The following HP1BP3 variants were observed in gnomAD, a reference collection of about 807,000 sequenced individuals.
The protein encoded by HP1BP3 is heterochromatin protein 1-binding protein 3.
A neutral mutation model predicts 62.5 loss-of-function variants in HP1BP3; 12 were observed. That is an observed-to-expected ratio of 0.19 (90% CI 0.12 to 0.31). HP1BP3 has a LOEUF of 0.31. Among genes scored for constraint, HP1BP3 ranks in the 10% least tolerant of loss-of-function variants. HP1BP3 has a pLI of 1.00. For missense variants in HP1BP3, 502 were observed against 651.8 expected (o/e 0.77, Z 2.50); for synonymous variants, 260 against 237.8 (o/e 1.09, Z -0.86).
In HP1BP3 at chr1:20,742,906, A is replaced by G. The variant is rs2055123633; in HGVS notation, c.*1891T>C. 1 of 152,632 alleles carries G rather than the reference A, an allele frequency of 6.6e-6. No individual in the cohort carries two copies. Among genetic ancestry groups the G allele is most frequent in the African/African-American group, 2.4e-5 (1 of 41,450 alleles). The allele number at this position is 152,632 out of a possible 1,614,324, so 9.5% of individuals were successfully genotyped here. On this transcript the variant is annotated 3_prime_UTR_variant, in exon 13 of 13. Transcript: ENST00000438032. ...AGGAGACAAAAGTGGAATGAATAAG[A>G]AACAAACATCTTTTGCCTCTGGCAG...
intron 8 of HP1BP3, 25 bp from the exon 9 acceptor site, chr1:20,757,281 T>C (rs541261954): frequency 7.2e-6 from 10 of 1,387,174 alleles, no homozygotes; most frequent in Admixed American, 1.9e-5. Flanking sequence ...AAAAAAAAAA[T>C]AGTGATAAAT....
At position 20,749,617 on chromosome 1, in the gene HP1BP3, C is replaced by T. The variant is rs537010724; in HGVS notation, c.1141+106G>A. On this transcript the variant is annotated intron_variant, in intron 10 of 12. Coordinates refer to ENST00000438032, the MANE Select transcript of HP1BP3 (RefSeq NM_001372052.1). ...CTCGTGATCCACCCGCCTCAGCCTC[C>T]CAAAGTGCTGGGATTACAGGCGTGA... 26 of 1,130,538 alleles carry T rather than the reference C, an allele frequency of 2.3e-5. No homozygotes were observed. In the South Asian group the frequency reaches 3.9e-4, roughly 17 times the overall value. The allele number at this position is 1,130,538 out of a possible 1,614,324, so 70.0% of individuals were successfully genotyped here.
At chr1:20,765,888 C>T (rs2056756449) in intron 7 of HP1BP3, among the ~76,000 whole-genome samples, 1 of 151,748 alleles carries the variant, frequency 6.6e-6, no homozygotes, top group African/African-American at 2.4e-5. Flanking sequence ...CTGCTTGAAC[C>T]CGGGAGGTGG....
chr1:20,764,383 G>A lies in HP1BP3; in HGVS notation c.890+994C>T, dbSNP rs2056651860. Among the ~76,000 whole-genome samples, 8 of 150,480 alleles carry A rather than the reference G, an allele frequency of 5.3e-5. No individual in the cohort carries two copies. The South Asian group carries it at 1.5e-3, about 28-fold the overall frequency. On this transcript the variant is annotated intron_variant, in intron 8 of 12. Transcript: ENST00000438032. ...TTTGAGACGGAGTTTTGCTCTTGGT[G>A]CCCAGGCTGGAGTGCAATGGCGCAA...
chr1:20,769,769 C>T (rs1165797250), intron 6 of HP1BP3, among the ~76,000 whole-genome samples: 1 of 152,120 alleles, frequency 6.6e-6, no homozygotes, highest in African/African-American at 2.4e-5. Flanking sequence ...ACTCCTAGCT[C>T]CACAGAGCAG....
chr1:20,750,816 C>CT (rs767621434), intron 9 of HP1BP3, among the ~76,000 whole-genome samples: 56,463 of 116,496 alleles, frequency 0.48, 14,432 homozygotes, highest in East Asian at 0.54. Flanking sequence ...TATTTTCTCT[C>CT]TTTTTTTTTT....
chr1:20,782,956 TA>T (rs1013277795), intron 1 of HP1BP3, among the ~76,000 whole-genome samples: 2 of 118,674 alleles, frequency 1.7e-5, no homozygotes, highest in Admixed American at 1.6e-4. Context: ...ACACAAAAGA[TA>T]AAAAATTAGC....
intron 8 of HP1BP3, among the ~76,000 whole-genome samples, chr1:20,759,820 G>T (rs545260767): frequency 4.1e-4 from 62 of 151,934 alleles, no homozygotes; most frequent in East Asian, 3.7e-3. Context: ...GAGTGAAGAG[G>T]AGTAGCTTAG....
At chr1:20,768,229 G>A (rs1179784974) in intron 6 of HP1BP3, among the ~76,000 whole-genome samples, 5 of 151,286 alleles carry the variant, frequency 3.3e-5, no homozygotes, top group Non-Finnish European at 7.4e-5. Flanking sequence ...GGCGAATCAC[G>A]AGGTCAGGAG....
chr1:20,753,114 TG>T lies in HP1BP3; in HGVS notation c.982-3233del, dbSNP rs551529816. On this transcript the variant is annotated intron_variant, in intron 9 of 12. Coordinates refer to ENST00000438032, the MANE Select transcript of HP1BP3 (RefSeq NM_001372052.1). The stretch of plus-strand genomic sequence containing the variant: ...GTGCCACCATGCCCGGCTAATTTCT[TG>T]TATTTTTACTAGAGATTGGGTTTCA... Among the ~76,000 whole-genome samples the T allele has an allele frequency of 8.5e-5, 13 of 152,292 alleles. No individual in the cohort carries two copies. In the South Asian group the frequency reaches 1.2e-3, roughly 15 times the overall value.
At chr1:20,767,121 C>G (rs1443279293) in intron 7 of HP1BP3, among the ~76,000 whole-genome samples, 1 of 152,124 alleles carries the variant, frequency 6.6e-6, no homozygotes, top group Non-Finnish European at 1.5e-5. Flanking sequence ...AGTTCAAGAC[C>G]AGCCTGGCCA....
In HP1BP3 at chr1:20,747,665, A is replaced by G. The variant is rs766867057; in HGVS notation, c.1142-10T>C. ...TTTTTCAGCAAATGCACTGAAAAAA[A>G]AAATTCAGAAATGAAAGTTATCTAG... is the stretch of plus-strand genomic sequence containing the variant. On this transcript the variant is annotated splice_polypyrimidine_tract_variant and intron_variant, in intron 10 of 12. Coordinates refer to ENST00000438032, the MANE Select transcript of HP1BP3 (RefSeq NM_001372052.1). 6.4e-7 allele frequency: 1 copy of G among 1,563,240 alleles called. No homozygotes were observed. Among genetic ancestry groups the G allele is most frequent in the East Asian group, 2.2e-5 (1 of 44,602 alleles).
intron 1 of HP1BP3, among the ~76,000 whole-genome samples, chr1:20,783,769 CA>C (rs1164930528): frequency 0.29 from 15,551 of 52,794 alleles, 362 homozygotes; most frequent in Non-Finnish European, 0.33. Flanking sequence ...GACTCTGTCT[CA>C]AAAAAAAAAA....
Position 20,784,955 on chromosome 1 carries a change from CAG to C in HP1BP3, c.-101+2238_-101+2239del, listed in dbSNP as rs543787300. On this transcript the variant is annotated intron_variant, in intron 1 of 12. Transcript: ENST00000438032. ...ATTAAATCGGTTGTTTATTTTGAGA[CAG>C]AGTCTCAGTCTGGAGTACAGTGGCA... 2.2e-4 allele frequency among the ~76,000 whole-genome samples: 34 copies of C among 152,258 alleles called. No homozygotes were observed. The East Asian group carries it at 5.4e-3, about 24-fold the overall frequency.
intron 9 of HP1BP3, among the ~76,000 whole-genome samples, chr1:20,752,387 C>T (rs900193871): frequency 6.6e-6 from 1 of 151,906 alleles, no homozygotes; most frequent in Non-Finnish European, 1.5e-5. Context: ...CTCCGCCTCC[C>T]GGATTCCAGC....
chr1:20,778,951 A>G (rs908849810), intron 3 of HP1BP3, among the ~76,000 whole-genome samples: 1 of 152,018 alleles, frequency 6.6e-6, no homozygotes, highest in African/African-American at 2.4e-5. Context: ...CACCATGCCC[A>G]GATAATGTTT....
chr1:20,776,606 G>A lies in HP1BP3; in HGVS notation c.341C>T (p.Thr114Ile). ...AGACATAACTCCTTACTCCTTTTTG[G>A]TTTCCTCAGAAGACTTATTTTCTTC... Reference protein sequence around the residue: ...EKEENKSSEETKKDEKDQSKE... With the variant: ...EKEENKSSEEIKKDEKDQSKE... The change falls in exon 4 of 13, where the codon ACC becomes ATC. Residue 114 changes from threonine (T) to isoleucine (I), a missense_variant. This residue lies in a region of HP1BP3 where 165 missense variants were observed against 156.4 expected (regional missense o/e 1.05). Coordinates refer to ENST00000438032, the MANE Select transcript of HP1BP3 (RefSeq NM_001372052.1). 1.2e-6 allele frequency: 2 copies of A among 1,606,220 alleles called. No individual in the cohort carries two copies.
intron 5 of HP1BP3, among the ~76,000 whole-genome samples, chr1:20,771,742 A>C (rs368892227): frequency 6.6e-6 from 1 of 152,224 alleles, no homozygotes; most frequent in Non-Finnish European, 1.5e-5. Flanking sequence ...CAAATGCTTA[A>C]AATTTTGTTT....
intron 5 of HP1BP3, among the ~76,000 whole-genome samples, chr1:20,771,370 A>G (rs990606114): frequency 1.3e-5 from 2 of 152,234 alleles, no homozygotes; most frequent in Admixed American, 1.3e-4. Context: ...TATTTAGAAG[A>G]TGAATCTTTG....
Sources: gnomAD v4.1 joint callset for allele counts (sites outside exome capture counted in the v4.1 genomes callset) on GRCh38, gnomAD v4.1.1 for gene constraint, gnomAD v4.1.1 regional missense constraint, MANE v1.5 for transcripts, NCBI Gene and HGNC (gene_info 2026-07-23, HGNC 2026-07-21) for gene names.